Variants in DACH1 observed in about 807,000 individuals in gnomAD.
The protein encoded by DACH1 is dachshund homolog 1.
A neutral mutation model predicts 54.2 loss-of-function variants in DACH1; 12 were observed. The observed-to-expected ratio is 0.22, with a 90% confidence interval of 0.14 to 0.36. DACH1 has a LOEUF of 0.36. Among genes scored for constraint, DACH1 ranks in the 10% least tolerant of loss-of-function variants. The probability of loss-of-function intolerance (pLI) is 1.00; values close to 1 mark genes in which losing one functional copy is unlikely to be tolerated. For synonymous variants in DACH1, 386 were observed against 366.2 expected (o/e 1.05, Z -0.62); for missense variants, 805 against 929.8 (o/e 0.87, Z 1.75).
Position 71,439,638 on chromosome 13 carries a change from A to AGAG in DACH1, c.*1014_*1016dup, listed in dbSNP as rs1873831453. On this transcript the variant is annotated 3_prime_UTR_variant, in exon 11 of 11. Transcript: ENST00000613252. The stretch of plus-strand genomic sequence containing the variant: ...ATATACAAATAAAAGTGGCTGACAC[A>AGAG]GAGTTCTGATGTCACCAGATGCTTA... 1 of 152,494 alleles carries AGAG rather than the reference A, an allele frequency of 6.6e-6. No homozygotes were observed. The highest frequency in any genetic ancestry group is 1.5e-5 in the Non-Finnish European group (1 of 67,936). 9.4% of individuals were successfully genotyped at this position (152,494 alleles called of 1,614,324 possible).
intron 1 of DACH1, among the ~76,000 whole-genome samples, chr13:71,701,910 AAAAC>A (rs1882154218): frequency 6.6e-6 from 1 of 152,134 alleles, no homozygotes; most frequent in African/African-American, 2.4e-5. Context: ...TTGCGACACT[AAAAC>A]AAAGTTTTCC....
At chr13:71,696,182 C>T (rs544210501) in intron 1 of DACH1, among the ~76,000 whole-genome samples, 15 of 152,116 alleles carry the variant, frequency 9.9e-5, no homozygotes, top group Non-Finnish European at 2.1e-4. Context: ...TGTGACACAC[C>T]TGCACATGTA....
At chr13:71,622,614 A>T (rs1185870092) in intron 3 of DACH1, among the ~76,000 whole-genome samples, 1 of 151,860 alleles carries the variant, frequency 6.6e-6, no homozygotes, top group Non-Finnish European at 1.5e-5. Flanking sequence ...ACAGTATAGC[A>T]TGTTTTTGTA....
chr13:71,861,519 A>G (rs888717444), intron 1 of DACH1, among the ~76,000 whole-genome samples: 1 of 152,040 alleles, frequency 6.6e-6, no homozygotes, highest in Non-Finnish European at 1.5e-5. Flanking sequence ...TATTTTATTC[A>G]TACACTAGTT....
At chr13:71,743,228 G>A (rs1884476594) in intron 1 of DACH1, among the ~76,000 whole-genome samples, 2 of 152,110 alleles carry the variant, frequency 1.3e-5, no homozygotes, top group Admixed American at 1.3e-4. Flanking sequence ...GGAATAATCA[G>A]GGAATACATT....
At chr13:71,644,855 A>G (rs541685197) in intron 2 of DACH1, among the ~76,000 whole-genome samples, 2 of 152,326 alleles carry the variant, frequency 1.3e-5, no homozygotes, top group African/African-American at 4.8e-5. Context: ...CTGGAAGGCA[A>G]TGAGTTCTTC....
Position 71,522,486 on chromosome 13 carries a change from G to T in DACH1, c.1571-33338C>A, listed in dbSNP as rs1435281703. On this transcript the variant is annotated intron_variant, in intron 6 of 10. Coordinates refer to ENST00000613252, the MANE Select transcript of DACH1 (RefSeq NM_080759.6). ...ATAATCCATCATACTGCTATTAAAAGTCAAGTTCCAAACCAAGCGCAGTGG... is the reference window on the plus strand; with the variant it reads ...ATAATCCATCATACTGCTATTAAAATTCAAGTTCCAAACCAAGCGCAGTGG... 2.0e-5 allele frequency among the ~76,000 whole-genome samples: 3 copies of T among 151,900 alleles called. No individual in the cohort carries two copies. In the East Asian group the frequency reaches 5.8e-4, roughly 29 times the overall value.
chr13:71,519,348 T>G (rs917182961), intron 6 of DACH1, among the ~76,000 whole-genome samples: 4 of 151,752 alleles, frequency 2.6e-5, no homozygotes, highest in Admixed American at 6.6e-5. Flanking sequence ...ACAAGTGAGT[T>G]TTTGGCACCT....
At chr13:71,614,339 C>A (rs1480749514) in intron 3 of DACH1, among the ~76,000 whole-genome samples, 3 of 152,014 alleles carry the variant, frequency 2.0e-5, no homozygotes, top group Non-Finnish European at 4.4e-5. Flanking sequence ...TATTATTCTG[C>A]AAGAGTAGTT....
chr13:71,642,195 T>G (rs769501115), intron 2 of DACH1, among the ~76,000 whole-genome samples: 21 of 152,206 alleles, frequency 1.4e-4, no homozygotes, highest in Non-Finnish European at 2.4e-4. Context: ...TACCGTACCA[T>G]GAGATTCTAT....
chr13:71,462,446 G>GA (rs1876158035), intron 10 of DACH1, among the ~76,000 whole-genome samples: 1 of 151,388 alleles, frequency 6.6e-6, no homozygotes, highest in African/African-American at 2.4e-5. Flanking sequence ...AAATGCTCTG[G>GA]AAAATCTGGT....
At chr13:71,615,552 CT>C (rs1944362059) in intron 3 of DACH1, among the ~76,000 whole-genome samples, 1 of 152,168 alleles carries the variant, frequency 6.6e-6, no homozygotes, top group Non-Finnish European at 1.5e-5. Flanking sequence ...CAACTTTCCT[CT>C]TCCTGTGTGC....
Position 71,601,995 on chromosome 13 carries a change from T to C in DACH1, c.1126+28561A>G, listed in dbSNP as rs562162071. ...AGTTACAAATTTAATAAACATTCAA[T>C]AGTATGCATTGAATACCCTTGGCTC... On this transcript the variant is annotated intron_variant, in intron 3 of 10. Transcript: ENST00000613252. Among the ~76,000 whole-genome samples, 39 of 152,116 alleles carry C rather than the reference T, an allele frequency of 2.6e-4. No individual in the cohort carries two copies. In the South Asian group the frequency reaches 8.1e-3, roughly 31 times the overall value.
chr13:71,545,150 G>A (rs1241478899), intron 6 of DACH1, among the ~76,000 whole-genome samples: 2 of 151,958 alleles, frequency 1.3e-5, no homozygotes, highest in Admixed American at 6.6e-5. Context: ...AATTTTTACC[G>A]ATGAAGAAAC....
At chr13:71,663,646 T>C (rs192914131) in intron 2 of DACH1, among the ~76,000 whole-genome samples, 87 of 152,100 alleles carry the variant, frequency 5.7e-4, no homozygotes, top group Admixed American at 2.4e-3. Flanking sequence ...TAATCAACCT[T>C]ACAGGGACCC....
intron 1 of DACH1, among the ~76,000 whole-genome samples, chr13:71,823,056 A>G (rs1888252208): frequency 6.6e-6 from 1 of 152,118 alleles, no homozygotes; most frequent in South Asian, 2.1e-4. Context: ...GCATGCCCTG[A>G]CTCATTATTT....
chr13:71,746,218 A>C (rs1001949559), intron 1 of DACH1, among the ~76,000 whole-genome samples: 3 of 152,186 alleles, frequency 2.0e-5, no homozygotes, highest in African/African-American at 4.8e-5. Context: ...CCCTGTTTCA[A>C]ATAAAATAAA....
chr13:71,455,051 C>A (rs1250237672), intron 10 of DACH1, among the ~76,000 whole-genome samples: 1 of 152,064 alleles, frequency 6.6e-6, no homozygotes, highest in Non-Finnish European at 1.5e-5. Context: ...GTGAACTCAC[C>A]AAACCAAATG....
intron 6 of DACH1, among the ~76,000 whole-genome samples, chr13:71,509,961 GTA>G (rs1273915398): frequency 5.3e-5 from 8 of 151,986 alleles, no homozygotes; most frequent in Admixed American, 2.6e-4. Flanking sequence ...CAGTTCTCTA[GTA>G]TAACTACTTT....
Sources: gnomAD v4.1 joint callset for allele counts (sites outside exome capture counted in the v4.1 genomes callset) on GRCh38, gnomAD v4.1.1 for gene constraint, MANE v1.5 for transcripts, NCBI Gene and HGNC (gene_info 2026-07-23, HGNC 2026-07-21) for gene names.